SYNE1: variants seen among roughly 807,000 people sequenced by gnomAD.
SYNE1 encodes spectrin repeat containing nuclear envelope protein 1.
In SYNE1, 616 loss-of-function variants were observed where a neutral mutation model predicts 1,111.0. The ratio of observed to expected loss-of-function variants is 0.55; its 90% CI spans 0.52 to 0.59. SYNE1 has a LOEUF of 0.59. Ranked by LOEUF, SYNE1 falls within the 20% of genes least tolerant of loss-of-function variation. The pLI, the probability that SYNE1 is intolerant of heterozygous loss-of-function variation, is 0.00. For synonymous variants in SYNE1, 3,855 were observed against 3,825.8 expected (o/e 1.01, Z -0.28); for missense variants, 10,006 against 10,417.0 (o/e 0.96, Z 1.72).
chr6:152,160,424 G>A (rs1236530676), intron 131 of SYNE1, among the ~76,000 whole-genome samples: 1 of 152,136 alleles, frequency 6.6e-6, no homozygotes, highest in Non-Finnish European at 1.5e-5. Context: ...GCTCCCATCT[G>A]GACAGGTGCT....
At chr6:152,261,698 TC>T (rs1409159929) in intron 101 of SYNE1, among the ~76,000 whole-genome samples, 2 of 152,200 alleles carry the variant, frequency 1.3e-5, no homozygotes, top group African/African-American at 2.4e-5. Context: ...GATGTGCATA[TC>T]CTTGATTTCC....
At chr6:152,276,233 C>T (rs897100516) in intron 98 of SYNE1, among the ~76,000 whole-genome samples, 1 of 151,990 alleles carries the variant, frequency 6.6e-6, no homozygotes, top group Non-Finnish European at 1.5e-5. Context: ...TGGGGTTTCA[C>T]CATGTTGGCC....
rs935261016 is a variant in SYNE1, at chr6:152,233,790, C to G, written c.20703G>C (p.Lys6901Asn). 1.2e-6 allele frequency: 2 copies of G among 1,614,062 alleles called. No individual in the cohort carries two copies. Among genetic ancestry groups the G allele is most frequent in the African/African-American group, 2.7e-5 (2 of 74,940 alleles). The change falls in exon 112 of 146, where the codon AAG becomes AAC. Residue 6901 changes from lysine (K) to asparagine (N), a missense_variant. Physicochemically the swap from Lys to Asn is moderately conservative, Grantham distance 94. Transcript: ENST00000367255. The part of the protein sequence containing the change: ...LLTNIPAVQE[K>N]LHQLQMDKLP... ...GCAATCCTTTCTGTACCTGGTGGAGCTTCTCCTGGACGGCTGGGATATTGG... is the reference window on the plus strand; with the variant it reads ...GCAATCCTTTCTGTACCTGGTGGAGGTTCTCCTGGACGGCTGGGATATTGG...
intron 53 of SYNE1, among the ~76,000 whole-genome samples, chr6:152,389,006 T>C (rs188934316): frequency 1.7e-3 from 265 of 152,312 alleles, no homozygotes; most frequent in South Asian, 4.6e-3. Context: ...GAGTTATTAC[T>C]AAGATGCAAA....
chr6:152,512,044 T>C (rs2099087717), intron 6 of SYNE1, among the ~76,000 whole-genome samples: 2 of 152,166 alleles, frequency 1.3e-5, no homozygotes, highest in African/African-American at 4.8e-5. Context: ...AGCCAAGATT[T>C]CATGAAGTGT....
intron 106 of SYNE1, among the ~76,000 whole-genome samples, chr6:152,244,012 C>T (rs2086444993): frequency 6.6e-6 from 1 of 152,188 alleles, no homozygotes; most frequent in African/African-American, 2.4e-5. Context: ...ATTTCAACTA[C>T]CTTCTAGTTT....
chr6:152,182,052 T>C (rs904016666), intron 128 of SYNE1, among the ~76,000 whole-genome samples: 13 of 152,198 alleles, frequency 8.5e-5, no homozygotes, highest in African/African-American at 2.9e-4. Flanking sequence ...TATATCTCCT[T>C]TGGAGAATTA....
Position 152,401,254 on chromosome 6 carries a change from G to C in SYNE1, c.6913C>G (p.Gln2305Glu). The C allele has an allele frequency of 6.2e-7, 1 of 1,614,078 alleles. No individual in the cohort carries two copies. The highest frequency in any genetic ancestry group is 8.5e-7 in the Non-Finnish European group (1 of 1,180,018). ...ATAAACTTCTCCACTTGTGTACTTT[G>C]AGCCGTGAAATCCTTCAGGGTTCCT... is the stretch of plus-strand genomic sequence containing the variant. ...AKGTLKDFTA[Q>E]STQVEKFIND... The change falls in exon 47 of 146, where the codon CAA becomes GAA. Residue 2305 changes from glutamine (Q) to glutamate (E), a missense_variant. Coordinates refer to ENST00000367255, the MANE Select transcript of SYNE1 (RefSeq NM_182961.4).
intron 3 of SYNE1, among the ~76,000 whole-genome samples, chr6:152,614,581 C>G (rs562603252): frequency 6.6e-6 from 1 of 152,242 alleles, no homozygotes; most frequent in Admixed American, 6.5e-5. Context: ...GTGGCGATTC[C>G]TCAAGGATCT....
chr6:152,394,098 T>G (rs2097692574), intron 51 of SYNE1, among the ~76,000 whole-genome samples: 1 of 152,196 alleles, frequency 6.6e-6, no homozygotes, highest in African/African-American at 2.4e-5. Context: ...GTTCCTGTAT[T>G]AGTTTGCTGA....
In SYNE1 at chr6:152,628,541, A is replaced by T; in HGVS notation, c.-210T>A. ...TTCCGTTTTAAGACTGTCCTCTTAC[A>T]TGAACTCAAGAACCTGAAAAACAAA... On this transcript the variant is annotated 5_prime_UTR_variant, in exon 3 of 146. An upstream start codon of the reference 5' UTR is lost. Coordinates refer to ENST00000367255, the MANE Select transcript of SYNE1 (RefSeq NM_182961.4). 1 of 588,292 alleles carries T rather than the reference A, an allele frequency of 1.7e-6. No individual in the cohort carries two copies. 36.4% of individuals were successfully genotyped at this position (588,292 alleles called of 1,614,324 possible). A position where few individuals can be genotyped will look rare whatever the true frequency, so the allele number is the denominator to read the frequency against.
rs1204966718 is a variant in SYNE1, at chr6:152,152,082, G to T, written c.24189C>A (p.Tyr8063Ter). Reference sequence around the variant, plus strand: ...TGCGGTTCTCCCTGGCCAGGCGGCGGTACTGCTTGTTGATCAGTTCCAGCT... The same window carrying T: ...TGCGGTTCTCCCTGGCCAGGCGGCGTTACTGCTTGTTGATCAGTTCCAGCT... ...LTQLELINKQ[Y>*]RRLARENRTD... is the part of the protein sequence containing the mutation. The change falls in exon 134 of 146, where the codon TAC becomes TAA. Residue 8063 changes from tyrosine (Y) to a stop codon, truncating the protein, a stop_gained. Transcript: ENST00000367255. LOFTEE classifies it high-confidence loss of function. The T allele has an allele frequency of 6.2e-7, 1 of 1,614,184 alleles. No individual in the cohort carries two copies. Among genetic ancestry groups the T allele is most frequent in the African/African-American group, 1.3e-5 (1 of 75,040 alleles).
intron 93 of SYNE1, among the ~76,000 whole-genome samples, chr6:152,297,154 C>G (rs1208544294): frequency 6.6e-6 from 1 of 152,114 alleles, no homozygotes. Context: ...CTCATTTCCC[C>G]CTCTCCTCCT....
intron 69 of SYNE1, 35 bp from the exon 70 acceptor site, chr6:152,352,388 T>C (rs1214201568): frequency 1.9e-6 from 3 of 1,592,240 alleles, no homozygotes; most frequent in Non-Finnish European, 8.5e-7. Context: ...AAAGGTAGTC[T>C]TGTTTCTTTT....
At chr6:152,625,452 A>G (rs2099683871) in intron 3 of SYNE1, among the ~76,000 whole-genome samples, 1 of 152,232 alleles carries the variant, frequency 6.6e-6, no homozygotes, top group Non-Finnish European at 1.5e-5. Flanking sequence ...CCTTTGATGC[A>G]GGCTAGATGT....
At chr6:152,232,675 A>G (rs1235935827) in intron 112 of SYNE1, among the ~76,000 whole-genome samples, 1 of 152,232 alleles carries the variant, frequency 6.6e-6, no homozygotes. Context: ...AAAGAAAAAT[A>G]CCACACTACA....
chr6:152,335,907 A>G (rs1347082537), intron 76 of SYNE1: 2 of 151,986 alleles, frequency 1.3e-5, no homozygotes, highest in Non-Finnish European at 2.9e-5. Context: ...GCCTGGTCTC[A>G]AACTCCTGGC....
At chr6:152,238,043 G>A (rs2084634045) in intron 108 of SYNE1, among the ~76,000 whole-genome samples, 3 of 152,038 alleles carry the variant, frequency 2.0e-5, no homozygotes, top group Non-Finnish European at 4.4e-5. Context: ...CACAAACCCA[G>A]GCCTTCTAGT....
intron 95 of SYNE1, among the ~76,000 whole-genome samples, chr6:152,289,280 CACTT>C (rs1663735227): frequency 1.3e-5 from 2 of 152,198 alleles, no homozygotes; most frequent in Admixed American, 1.3e-4. Context: ...ATGTGTATGA[CACTT>C]ACATAGCTTA....
Sources: gnomAD v4.1 joint callset for allele counts (sites outside exome capture counted in the v4.1 genomes callset) on GRCh38, gnomAD v4.1.1 for gene constraint, MANE v1.5 for transcripts, NCBI Gene and HGNC (gene_info 2026-07-23, HGNC 2026-07-21) for gene names.